Variants in SHISA6 observed in about 807,000 individuals in gnomAD.
The protein encoded by SHISA6 is protein shisa-6.
Under a neutral mutation model 47.9 loss-of-function variants are expected in SHISA6, and 22 were observed. The ratio of observed to expected loss-of-function variants is 0.46; its 90% CI spans 0.33 to 0.66. The LOEUF is 0.66. Among genes scored for constraint, SHISA6 ranks in the 30% least tolerant of loss-of-function variants. SHISA6 has a pLI of 0.02. For missense variants in SHISA6, 680 were observed against 764.6 expected (o/e 0.89, Z 1.30); for synonymous variants, 388 against 337.8 (o/e 1.15, Z -1.63).
intron 2 of SHISA6, among the ~76,000 whole-genome samples, chr17:11,306,460 T>A (rs530161200): frequency 7.2e-4 from 109 of 152,292 alleles, no homozygotes; most frequent in Non-Finnish European, 1.0e-3. Context: ...GGTTTCTGAT[T>A]GAGACCCTGG....
intron 3 of SHISA6, among the ~76,000 whole-genome samples, chr17:11,430,803 GCTT>G (rs1207644217): frequency 1.3e-5 from 2 of 152,200 alleles, no homozygotes; most frequent in Admixed American, 6.5e-5. Flanking sequence ...CATTCTGAAT[GCTT>G]CTTACTTTGG....
chr17:11,274,431 G>A (rs928058327), intron 2 of SHISA6, among the ~76,000 whole-genome samples: 3 of 152,228 alleles, frequency 2.0e-5, no homozygotes, highest in Non-Finnish European at 4.4e-5. Flanking sequence ...AGTGACAGGA[G>A]CGAGAGGGTG....
At chr17:11,314,085 A>C (rs1597453441) in intron 2 of SHISA6, among the ~76,000 whole-genome samples, 1 of 152,292 alleles carries the variant, frequency 6.6e-6, no homozygotes, top group East Asian at 1.9e-4. Flanking sequence ...CTCTGCTGTT[A>C]CTGACAGCCC....
chr17:11,283,067 A>G (rs746985914), intron 2 of SHISA6, among the ~76,000 whole-genome samples: 4 of 152,170 alleles, frequency 2.6e-5, no homozygotes, highest in Non-Finnish European at 5.9e-5. Flanking sequence ...TCCCAACCCA[A>G]TCTTCAAGTT....
chr17:11,516,669 A>G (rs1199634284), intron 3 of SHISA6, among the ~76,000 whole-genome samples: 3 of 152,214 alleles, frequency 2.0e-5, no homozygotes, highest in Non-Finnish European at 4.4e-5. Context: ...ACTCTGCTCA[A>G]TGGAGCCAGT....
intron 2 of SHISA6, among the ~76,000 whole-genome samples, chr17:11,280,874 T>G (rs766286328): frequency 1.3e-4 from 20 of 152,210 alleles, no homozygotes; most frequent in Non-Finnish European, 1.6e-4. Context: ...ATGGCAGGAT[T>G]TGTTCAAAGG....
chr17:11,549,501 AAT>A (rs1048031571), intron 3 of SHISA6, among the ~76,000 whole-genome samples: 2 of 152,212 alleles, frequency 1.3e-5, no homozygotes, highest in African/African-American at 2.4e-5. Context: ...GTAGGCCAAT[AAT>A]ATATATTCAT....
chr17:11,495,692 G>A (rs762161288), intron 3 of SHISA6, among the ~76,000 whole-genome samples: 1 of 152,212 alleles, frequency 6.6e-6, no homozygotes, highest in African/African-American at 2.4e-5. Context: ...TCTTCCTGCT[G>A]TTCCTGAAAC....
intron 2 of SHISA6, among the ~76,000 whole-genome samples, chr17:11,351,938 T>C (rs965652898): frequency 6.6e-5 from 10 of 152,010 alleles, no homozygotes; most frequent in African/African-American, 1.2e-4. Flanking sequence ...GGGGAGAAAG[T>C]AGGTAAGTAT....
At chr17:11,471,195 T>G (rs1402549324) in intron 3 of SHISA6, among the ~76,000 whole-genome samples, 4 of 118,004 alleles carry the variant, frequency 3.4e-5, no homozygotes, top group African/African-American at 7.1e-5. Flanking sequence ...GTCGACAGAG[T>G]GAGACTCCAT....
intron 3 of SHISA6, among the ~76,000 whole-genome samples, chr17:11,469,841 C>A (rs1218494669): frequency 6.6e-6 from 1 of 152,178 alleles, no homozygotes; most frequent in African/African-American, 2.4e-5. Flanking sequence ...GAAATCCTTA[C>A]TTTGCGTCCC....
At position 11,558,544 on chromosome 17, in the gene SHISA6, G is replaced by A. The variant is rs2072007013; in HGVS notation, c.*240G>A. On this transcript the variant is annotated 3_prime_UTR_variant, in exon 6 of 6. Transcript: ENST00000441885. ...CTCTTGCTCCTCCAGAAGAATCAGTGGGGAGTGAGGAGGGGGCTAGGCCCC... is the reference window on the plus strand; with the variant it reads ...CTCTTGCTCCTCCAGAAGAATCAGTAGGGAGTGAGGAGGGGGCTAGGCCCC... The A allele has an allele frequency of 3.5e-6, 2 of 569,970 alleles. No homozygotes were observed. The highest frequency in any genetic ancestry group is 6.3e-6 in the Non-Finnish European group (2 of 319,620). 35.3% of individuals were successfully genotyped at this position (569,970 alleles called of 1,614,324 possible). A position where few individuals can be genotyped will look rare whatever the true frequency, so the allele number is the denominator to read the frequency against.
chr17:11,557,960 G>A lies in SHISA6; in HGVS notation c.1312G>A (p.Asp438Asn), dbSNP rs1291795775. 2.3e-5 allele frequency: 36 copies of A among 1,551,370 alleles called. No homozygotes were observed. Among genetic ancestry groups the A allele is most frequent in the Non-Finnish European group, 3.0e-5 (34 of 1,146,936 alleles). ...GLPDEFSMPY[D>N]RILSDEQLLS... ...GCCAGATGAGTTCAGCATGCCCTAC[G>A]ACCGCATCCTGTCCGACGAGCAGCT... is the stretch of plus-strand genomic sequence containing the variant. Residue 438 changes from aspartate to asparagine, a missense_variant, in exon 6 of 6, where the codon GAC becomes AAC. This residue lies in a region of SHISA6 where 559 missense variants were observed against 674.1 expected (regional missense o/e 0.83). Transcript: ENST00000441885.
chr17:11,499,683 CTTTT>C (rs372464937), intron 3 of SHISA6, among the ~76,000 whole-genome samples: 2 of 127,530 alleles, frequency 1.6e-5, no homozygotes, highest in Non-Finnish European at 1.6e-5. Flanking sequence ...CTTTTTCTTT[CTTTT>C]TTTTTTTTTT....
chr17:11,443,638 A>G (rs1053592142), intron 3 of SHISA6, among the ~76,000 whole-genome samples: 17 of 152,194 alleles, frequency 1.1e-4, no homozygotes, highest in Admixed American at 1.0e-3. Flanking sequence ...TGGTGCTATC[A>G]TTGTGAGGAT....
chr17:11,320,476 G>A (rs1445931172), intron 2 of SHISA6, among the ~76,000 whole-genome samples: 2 of 152,046 alleles, frequency 1.3e-5, no homozygotes, highest in Admixed American at 6.6e-5. Context: ...TGGCTAACAT[G>A]GTGAAATCCC....
In SHISA6 at chr17:11,558,218, C is replaced by G. The variant is rs1490636531; in HGVS notation, c.1570C>G (p.Arg524Gly). ...AGCCAAGCGTCATGCCTTTGCCTCA[C>G]GCAGACACAACACGGTGGAGCAGCT... ...TAAKRHAFASRRHNTVEQLHY... is the reference protein window; with the variant it reads ...TAAKRHAFASGRHNTVEQLHY... The change falls in exon 6 of 6, where the codon CGC becomes GGC. Residue 524 changes from arginine to glycine, a missense_variant. Physicochemically the swap from Arg to Gly is moderately radical, Grantham distance 125. This residue lies in a region of SHISA6 where 559 missense variants were observed against 674.1 expected (regional missense o/e 0.83). Coordinates refer to ENST00000441885, the MANE Select transcript of SHISA6 (RefSeq NM_207386.4). 3 of 1,542,002 alleles carry G rather than the reference C, an allele frequency of 1.9e-6. No homozygotes were observed. In the South Asian group the frequency reaches 3.6e-5, roughly 18 times the overall value.
At chr17:11,392,213 A>G (rs1343881637) in intron 3 of SHISA6, among the ~76,000 whole-genome samples, 1 of 151,840 alleles carries the variant, frequency 6.6e-6, no homozygotes, top group Non-Finnish European at 1.5e-5. Flanking sequence ...GGGAAATGTA[A>G]TGGTTTTCTG....
chr17:11,388,813 T>TATATAC (rs1913286499), intron 3 of SHISA6, among the ~76,000 whole-genome samples: 1 of 97,882 alleles, frequency 1.0e-5, no homozygotes, highest in African/African-American at 4.2e-5. Context: ...TATATATATA[T>TATATAC]ATATATATAT....
Sources: gnomAD v4.1 joint callset for allele counts (sites outside exome capture counted in the v4.1 genomes callset) on GRCh38, gnomAD v4.1.1 for gene constraint, gnomAD v4.1.1 regional missense constraint, MANE v1.5 for transcripts, NCBI Gene and HGNC (gene_info 2026-07-23, HGNC 2026-07-21) for gene names.